Variants in EML6 observed in about 807,000 individuals in gnomAD.
The protein encoded by EML6 is echinoderm microtubule-associated protein-like 6.
A neutral mutation model predicts 240.1 loss-of-function variants in EML6; 154 were observed. The observed-to-expected ratio is 0.64, with a 90% CI of 0.56 to 0.73. EML6 has a LOEUF of 0.73. EML6 is among the 30% of genes least tolerant of loss of function. The pLI is 0.00. For synonymous variants in EML6, 1,148 were observed against 899.0 expected (o/e 1.28, Z -4.95); for missense variants, 2,964 against 2,474.6 (o/e 1.20, Z -4.20).
intron 5 of EML6, among the ~76,000 whole-genome samples, chr2:54,820,823 C>T (rs115611820): frequency 3.3e-5 from 5 of 152,222 alleles, no homozygotes; most frequent in African/African-American, 1.2e-4. Context: ...TACATATTTG[C>T]ATGTCAACAC....
chr2:54,734,293 G>A (rs1038404727), intron 2 of EML6, among the ~76,000 whole-genome samples: 17 of 152,304 alleles, frequency 1.1e-4, no homozygotes, highest in East Asian at 1.9e-4. Flanking sequence ...AGCTGAGATC[G>A]CACCACTGCA....
intron 11 of EML6, among the ~76,000 whole-genome samples, chr2:54,857,817 A>G (rs1314787652): frequency 2.6e-5 from 4 of 152,218 alleles, no homozygotes; most frequent in African/African-American, 9.6e-5. Flanking sequence ...AGGGAATAGC[A>G]AAGAGACCAA....
intron 5 of EML6, among the ~76,000 whole-genome samples, chr2:54,824,156 C>A (rs1379024155): frequency 6.6e-6 from 1 of 152,116 alleles, no homozygotes; most frequent in East Asian, 1.9e-4. Context: ...TCTCCTGATT[C>A]CTTCCTATCT....
chr2:54,843,693 A>C (rs1669585817), intron 7 of EML6, among the ~76,000 whole-genome samples: 2 of 151,958 alleles, frequency 1.3e-5, no homozygotes, highest in South Asian at 4.2e-4. Flanking sequence ...AAATACAAAA[A>C]TTAGCCGGGT....
chr2:54,814,117 C>T (rs1298106999), intron 3 of EML6, among the ~76,000 whole-genome samples: 1 of 152,166 alleles, frequency 6.6e-6, no homozygotes, highest in East Asian at 1.9e-4. Flanking sequence ...GAATAAAGTC[C>T]ACACTTTGTA....
chr2:54,956,764 G>T (rs1274657432), intron 32 of EML6, among the ~76,000 whole-genome samples: 1 of 152,124 alleles, frequency 6.6e-6, no homozygotes, highest in African/African-American at 2.4e-5. Flanking sequence ...GAAGTGATGA[G>T]AACGAAGAAG....
intron 25 of EML6, among the ~76,000 whole-genome samples, chr2:54,916,514 C>T (rs1673917283): frequency 6.6e-6 from 1 of 150,826 alleles, no homozygotes; most frequent in South Asian, 2.1e-4. Context: ...TATCAAATTT[C>T]CACAATTTCA....
chr2:54,970,357 C>CCTG lies in EML6; in HGVS notation c.*262_*263insCTG. 2 of 466,644 alleles carry CCTG rather than the reference C, an allele frequency of 4.3e-6. No homozygotes were observed. The highest frequency in any genetic ancestry group is 7.7e-6 in the Non-Finnish European group (2 of 258,644). The allele number at this position is 466,644 out of a possible 1,614,324, so 28.9% of individuals were successfully genotyped here. On this transcript the variant is annotated 3_prime_UTR_variant, in exon 42 of 42. Coordinates refer to ENST00000356458, the MANE Select transcript of EML6 (RefSeq NM_001039753.4). ...TTCCTGAGACTAAACAGTATACATA[C>CCTG]TAACTACATTGACAAAGAAATCCTA...
intron 2 of EML6, among the ~76,000 whole-genome samples, chr2:54,809,560 G>T (rs1336170346): frequency 6.6e-6 from 1 of 152,160 alleles, no homozygotes; most frequent in Non-Finnish European, 1.5e-5. Flanking sequence ...ACTCAGAAAG[G>T]AGCAGAGAGC....
intron 2 of EML6, among the ~76,000 whole-genome samples, chr2:54,780,157 G>A (rs187296394): frequency 1.7e-4 from 26 of 152,124 alleles, no homozygotes; most frequent in Admixed American, 1.4e-3. Context: ...ATTAATAATC[G>A]TTTACAGTTT....
chr2:54,901,161 A>T (rs971675545), intron 22 of EML6, among the ~76,000 whole-genome samples: 2 of 152,214 alleles, frequency 1.3e-5, no homozygotes, highest in African/African-American at 4.8e-5. Context: ...TGCCACTTAC[A>T]AATCAGAAAA....
In EML6 at chr2:54,844,291, G is replaced by A. The variant is rs144117933; in HGVS notation, c.1049+43G>A. 171 of 1,485,212 alleles carry A rather than the reference G, an allele frequency of 1.2e-4. No individual in the cohort carries two copies. The African/African-American group carries it at 2.0e-3, about 17-fold the overall frequency. 92.0% of individuals were successfully genotyped at this position (1,485,212 alleles called of 1,614,324 possible). A position where few individuals can be genotyped will look rare whatever the true frequency, so the allele number is the denominator to read the frequency against. On this transcript the variant is annotated intron_variant, in intron 8 of 41. Coordinates refer to ENST00000356458, the MANE Select transcript of EML6 (RefSeq NM_001039753.4). ...TCACCTCTCTGACTTCTTTGAGATGGATTTATTTGCCCAAATTTGCTTATT... is the reference window on the plus strand; with the variant it reads ...TCACCTCTCTGACTTCTTTGAGATGAATTTATTTGCCCAAATTTGCTTATT...
chr2:54,883,308 CTG>C (rs1671939840), intron 17 of EML6, among the ~76,000 whole-genome samples: 1 of 152,132 alleles, frequency 6.6e-6, no homozygotes, highest in Admixed American at 6.5e-5. Context: ...CATCATCTCA[CTG>C]TGTTCTAATT....
At chr2:54,962,423 T>C (rs1676561185) in intron 35 of EML6, 100 bp from the exon 36 acceptor site, 4 of 922,140 alleles carry the variant, frequency 4.3e-6, no homozygotes, top group African/African-American at 1.7e-5. Flanking sequence ...CAGTCATCAT[T>C]CTACTTTCTG....
intron 21 of EML6, among the ~76,000 whole-genome samples, chr2:54,896,263 G>T (rs114830177): frequency 6.6e-6 from 1 of 152,100 alleles, no homozygotes; most frequent in Non-Finnish European, 1.5e-5. Flanking sequence ...CAATCTGTCC[G>T]TCCATAAAAT....
chr2:54,941,074 T>C (rs1344347603), intron 28 of EML6, among the ~76,000 whole-genome samples: 1 of 152,208 alleles, frequency 6.6e-6, no homozygotes, highest in Admixed American at 6.5e-5. Context: ...TTTTATGCTG[T>C]GCTTGGAAAC....
chr2:54,970,033 C>G (rs1456114355), intron 41 of EML6, 38 bp from the exon 42 acceptor site: 2 of 1,550,942 alleles, frequency 1.3e-6, no homozygotes, highest in African/African-American at 2.7e-5. Flanking sequence ...AGTATGATGT[C>G]CAGCTATGCA....
At chr2:54,959,438 G>A (rs1676393577) in intron 34 of EML6, among the ~76,000 whole-genome samples, 177 bp downstream of exon 34, 2 of 152,324 alleles carry the variant, frequency 1.3e-5, no homozygotes, top group South Asian at 2.1e-4. Context: ...TCACAAGGAA[G>A]AGAGGAGTGC....
intron 21 of EML6, among the ~76,000 whole-genome samples, chr2:54,897,675 C>T (rs1672841471): frequency 6.9e-6 from 1 of 145,048 alleles, no homozygotes; most frequent in Non-Finnish European, 1.5e-5. Flanking sequence ...TTGCCACCTA[C>T]ATGTGTACCA....
Sources: gnomAD v4.1 joint callset for allele counts (sites outside exome capture counted in the v4.1 genomes callset) on GRCh38, gnomAD v4.1.1 for gene constraint, MANE v1.5 for transcripts, NCBI Gene and HGNC (gene_info 2026-07-23, HGNC 2026-07-21) for gene names.